The following PGS1 variants were observed in gnomAD, a reference collection of about 807,000 sequenced individuals.
The protein encoded by PGS1 is phosphatidylglycerophosphate synthase 1, also known as CDP-diacylglycerol--glycerol-3-phosphate 3-phosphatidyltransferase, mitochondrial.
Under a neutral mutation model 58.3 loss-of-function variants are expected in PGS1, and 44 were observed. The ratio of observed to expected loss-of-function variants is 0.75; its 90% CI spans 0.59 to 0.97. PGS1 has a LOEUF of 0.97. Among genes scored for constraint, PGS1 ranks in the 50% least tolerant of loss-of-function variants. The pLI, the probability that PGS1 is intolerant of heterozygous loss-of-function variation, is 0.00. For synonymous variants in PGS1, 330 were observed against 311.0 expected (o/e 1.06, Z -0.64); for missense variants, 684 against 731.1 (o/e 0.94, Z 0.74).
At chr17:78,392,395 C>G (rs1429685500) in intron 1 of PGS1, 81 bp from the exon 2 acceptor site, 2 of 989,254 alleles carry the variant, frequency 2.0e-6, no homozygotes, top group Non-Finnish European at 3.0e-6. Context: ...CCCCTCTTCA[C>G]TCCCCAGTAA....
At chr17:78,398,968 G>C (rs927745369) in intron 4 of PGS1, among the ~76,000 whole-genome samples, 11 of 152,232 alleles carry the variant, frequency 7.2e-5, no homozygotes, top group Admixed American at 6.5e-4. Context: ...GCCCAGCCCA[G>C]GCCTGCGTGC....
chr17:78,389,103 C>T (rs1165671224), intron 1 of PGS1, among the ~76,000 whole-genome samples: 9 of 137,006 alleles, frequency 6.6e-5, no homozygotes, highest in African/African-American at 2.0e-4. Flanking sequence ...TCCTCTCTCA[C>T]CCAGGTTGGA....
chr17:78,407,743 ACT>A (rs2084278128), intron 7 of PGS1, among the ~76,000 whole-genome samples: 3 of 152,178 alleles, frequency 2.0e-5, no homozygotes. Flanking sequence ...TCAGCACAGC[ACT>A]CTCTGGGAGC....
chr17:78,389,109 T>A (rs1268336855), intron 1 of PGS1, among the ~76,000 whole-genome samples: 1 of 133,060 alleles, frequency 7.5e-6, no homozygotes, highest in Non-Finnish European at 1.5e-5. Context: ...CTCACCCAGG[T>A]TGGAGTGCAA....
rs989070318 is a variant in PGS1, at chr17:78,403,851, T to A, written c.1164T>A (p.Tyr388Ter). 6.2e-7 allele frequency: 1 copy of A among 1,614,116 alleles called. No homozygotes were observed. The highest frequency in any genetic ancestry group is 8.5e-7 in the Non-Finnish European group (1 of 1,180,052). ...RGAKVYLTTG[Y>*]FNLTQAYMDL... Reference sequence around the variant, plus strand: ...CAAAGGTCTACCTCACCACTGGCTATTTCAACCTGACCCAGGCCTACATGG... The same window carrying A: ...CAAAGGTCTACCTCACCACTGGCTAATTCAACCTGACCCAGGCCTACATGG... Residue 388 changes from tyrosine (Y) to a stop codon, truncating the protein, a stop_gained, in exon 7 of 10, where the codon TAT (tyrosine) becomes TAA (stop). Coordinates refer to ENST00000262764, the MANE Select transcript of PGS1 (RefSeq NM_024419.5). LOFTEE classifies it high-confidence loss of function.
chr17:78,400,825 G>T lies in PGS1; in HGVS notation c.850G>T (p.Val284Leu). The part of the protein sequence containing the change: ...LQLQGDDTVQ[V>L]VDGMVHPYKG... ...GCTGCAGGGGGACGACACGGTGCAG[G>T]TGGTGGATGGGATGGTGCATCCTTA... is the stretch of plus-strand genomic sequence containing the variant. The change falls in exon 6 of 10, where the codon GTG becomes TTG. Residue 284 changes from valine (V) to leucine (L), a missense_variant. Transcript: ENST00000262764. This position sits in a 1 kb window ranked among gnomAD's most constrained non-coding sequence, Gnocchi z 4.4. The T allele has an allele frequency of 6.2e-7, 1 of 1,611,514 alleles. No homozygotes were observed. The highest frequency in any genetic ancestry group is 8.5e-7 in the Non-Finnish European group (1 of 1,178,420).
At chr17:78,383,519 C>T (rs1467774075) in intron 1 of PGS1, among the ~76,000 whole-genome samples, 1 of 152,214 alleles carries the variant, frequency 6.6e-6, no homozygotes, top group African/African-American at 2.4e-5. Context: ...AGCCACCGTG[C>T]CCGGCCTAGA....
intron 1 of PGS1, among the ~76,000 whole-genome samples, chr17:78,390,479 A>T (rs374682436): frequency 3.9e-5 from 6 of 152,208 alleles, no homozygotes; most frequent in African/African-American, 1.4e-4. Flanking sequence ...TGGGAAGTGC[A>T]GCTGTGGGCC....
intron 7 of PGS1, among the ~76,000 whole-genome samples, chr17:78,405,835 G>A (rs1223500139): frequency 6.6e-6 from 1 of 152,190 alleles, no homozygotes; most frequent in East Asian, 1.9e-4. Flanking sequence ...TCTTGTCCTG[G>A]TTCTAGTGGC....
At chr17:78,411,547 C>T (rs1333463220) in intron 7 of PGS1, among the ~76,000 whole-genome samples, 1 of 152,200 alleles carries the variant, frequency 6.6e-6, no homozygotes, top group Non-Finnish European at 1.5e-5. Context: ...GTATTTATCT[C>T]TGCCCCATGA....
At chr17:78,387,562 G>A (rs2082496508) in intron 1 of PGS1, among the ~76,000 whole-genome samples, 1 of 145,310 alleles carries the variant, frequency 6.9e-6, no homozygotes, top group Non-Finnish European at 1.5e-5. Context: ...GCCTCCCAAA[G>A]TGTTGGGATT....
chr17:78,394,120 C>T (rs941008929), intron 2 of PGS1, among the ~76,000 whole-genome samples: 2 of 134,476 alleles, frequency 1.5e-5, no homozygotes, highest in Admixed American at 8.7e-5. Flanking sequence ...TGCAGTAAGC[C>T]AAGATCGCGC....
chr17:78,406,886 T>C (rs895681133), intron 7 of PGS1, among the ~76,000 whole-genome samples: 1 of 152,180 alleles, frequency 6.6e-6, no homozygotes, highest in African/African-American at 2.4e-5. Flanking sequence ...GGTGGGAGGC[T>C]CCTGGCCTGT....
chr17:78,401,988 G>A (rs1194575045), intron 6 of PGS1, among the ~76,000 whole-genome samples: 2 of 152,198 alleles, frequency 1.3e-5, no homozygotes, highest in East Asian at 3.9e-4. Flanking sequence ...GAGCAGGAGC[G>A]GGGAGACTCG....
intron 9 of PGS1, chr17:78,420,915 G>C (rs1469335648): frequency 3.9e-5 from 6 of 152,002 alleles, no homozygotes; most frequent in African/African-American, 1.4e-4. Flanking sequence ...AACAGCACCA[G>C]TGTCACTCCT....
At chr17:78,402,411 TATATATATATATATATACAC>T (rs56052968) in intron 6 of PGS1, among the ~76,000 whole-genome samples, 23,743 of 137,186 alleles carry the variant, frequency 0.17, 2,140 homozygotes, top group African/African-American at 0.31. Context: ...TATATATATA[TATATATATATATATATACAC>T]ACACACACAC....
At chr17:78,381,441 CT>C (rs1204391266) in intron 1 of PGS1, among the ~76,000 whole-genome samples, 2 of 152,190 alleles carry the variant, frequency 1.3e-5, no homozygotes, top group African/African-American at 4.8e-5. Flanking sequence ...CTGAGCCTTT[CT>C]TTGCCTTATT....
At position 78,424,564 on chromosome 17, in the gene PGS1, GC is replaced by G; in HGVS notation, c.*516del. On this transcript the variant is annotated 3_prime_UTR_variant, in exon 10 of 10. Coordinates refer to ENST00000262764, the MANE Select transcript of PGS1 (RefSeq NM_024419.5). ...TTATACATCTGTGCATATAAATATT[GC>G]CTTTAACCAGACTGCTATTATTTCT... 1 of 156,940 alleles carries G rather than the reference GC, an allele frequency of 6.4e-6. No homozygotes were observed. Among genetic ancestry groups the G allele is most frequent in the East Asian group, 1.8e-4 (1 of 5,608 alleles). The allele number at this position is 156,940 out of a possible 1,614,324, so 9.7% of individuals were successfully genotyped here.
At position 78,424,383 on chromosome 17, in the gene PGS1, G is replaced by A. The variant is rs978235874; in HGVS notation, c.*333G>A. 3.6e-5 allele frequency: 18 copies of A among 501,024 alleles called. No individual in the cohort carries two copies. The highest frequency in any genetic ancestry group is 1.7e-4 in the South Asian group (5 of 29,206). The allele number at this position is 501,024 out of a possible 1,614,324, so 31.0% of individuals were successfully genotyped here. A position where few individuals can be genotyped will look rare whatever the true frequency, so the allele number is the denominator to read the frequency against. ...AAGGAACAGCTCAGCTAAAGCCCTCGGGTTCCATCCGTTTAAATCTGTGGC... is the reference window on the plus strand; with the variant it reads ...AAGGAACAGCTCAGCTAAAGCCCTCAGGTTCCATCCGTTTAAATCTGTGGC... On this transcript the variant is annotated 3_prime_UTR_variant, in exon 10 of 10. Transcript: ENST00000262764.
Sources: allele counts gnomAD v4.1 joint callset (sites outside exome capture counted in the v4.1 genomes callset), GRCh38; gene constraint gnomAD v4.1.1; non-coding constraint Gnocchi (gnomAD v3.1); transcripts MANE v1.5; gene names NCBI Gene and HGNC (gene_info 2026-07-23, HGNC 2026-07-21).